The following GRID1 variants were observed in gnomAD, a reference collection of about 807,000 sequenced individuals.
GRID1 encodes glutamate ionotropic receptor delta type subunit 1.
Under a neutral mutation model 98.0 loss-of-function variants are expected in GRID1, and 28 were observed. That is an observed-to-expected ratio of 0.29 (90% CI 0.21 to 0.39). GRID1 has a LOEUF of 0.39. GRID1 is among the 10% of genes least tolerant of loss of function. The pLI, the probability that GRID1 is intolerant of heterozygous loss-of-function variation, is 1.00. For synonymous variants in GRID1, 553 were observed against 538.5 expected, an observed-to-expected ratio of 1.03 and a Z score of -0.37; for missense variants, 1,111 against 1,340.5, an observed-to-expected ratio of 0.83 and a Z score of 2.67.
intron 4 of GRID1, among the ~76,000 whole-genome samples, chr10:86,093,730 A>C (rs1159629279): frequency 6.6e-6 from 1 of 152,208 alleles, no homozygotes; most frequent in Non-Finnish European, 1.5e-5. Flanking sequence ...AAAAAAGTCC[A>C]GGACCAGACG....
chr10:85,706,813 C>A (rs1266301456), intron 12 of GRID1, among the ~76,000 whole-genome samples: 1 of 152,146 alleles, frequency 6.6e-6, no homozygotes, highest in Non-Finnish European at 1.5e-5. Context: ...TGCCACATAT[C>A]TACAACTGTC....
At chr10:85,936,123 T>A (rs1486054174) in intron 4 of GRID1, among the ~76,000 whole-genome samples, 1 of 152,206 alleles carries the variant, frequency 6.6e-6, no homozygotes, top group East Asian at 1.9e-4. Flanking sequence ...CATATTAGGA[T>A]ACCTAACTCA....
At chr10:85,911,676 T>A (rs1038306822) in intron 5 of GRID1, among the ~76,000 whole-genome samples, 1 of 152,208 alleles carries the variant, frequency 6.6e-6, no homozygotes, top group Non-Finnish European at 1.5e-5. Context: ...CATGTAACAA[T>A]GGAAGCTGCC....
chr10:85,711,808 C>T (rs113429656), intron 12 of GRID1, among the ~76,000 whole-genome samples: 2 of 151,666 alleles, frequency 1.3e-5, no homozygotes, highest in African/African-American at 4.8e-5. Context: ...TTAAAATTAA[C>T]TCCTAAAAAA....
Position 85,856,173 on chromosome 10 carries a change from C to A in GRID1, c.969G>T (p.Leu323=), listed in dbSNP as rs747260421. Residue 323 remains leucine (L), a synonymous_variant, in exon 7 of 16, where the codon CTG becomes CTT. Transcript: ENST00000327946. ...TGGCCAGCATCAGAACACTGTCATACAGATAGAGGTTGGAGATCTGCAAAG... is the reference window on the plus strand; with the variant it reads ...TGGCCAGCATCAGAACACTGTCATAAAGATAGAGGTTGGAGATCTGCAAAG... ...LQMLQISNLY[L]YDSVLMLANA... is the part of the protein sequence containing the mutation. 4 of 1,613,998 alleles carry A rather than the reference C, an allele frequency of 2.5e-6. No homozygotes were observed. In the African/African-American group the frequency reaches 4.0e-5, roughly 16 times the overall value.
intron 2 of GRID1, among the ~76,000 whole-genome samples, chr10:86,357,697 A>C (rs988992085): frequency 1.3e-5 from 2 of 152,224 alleles, no homozygotes; most frequent in African/African-American, 4.8e-5. Context: ...AGAATGAAGG[A>C]GAACCCTGAC....
chr10:85,632,233 C>T (rs929847283), intron 13 of GRID1, among the ~76,000 whole-genome samples: 6 of 152,206 alleles, frequency 3.9e-5, no homozygotes, highest in African/African-American at 1.4e-4. Context: ...CCCTTTTCCA[C>T]CCTGAAGTCT....
chr10:85,821,516 CAAAAAAAAAA>C (rs1157209045), intron 8 of GRID1, among the ~76,000 whole-genome samples: 5 of 9,104 alleles, frequency 5.5e-4, no homozygotes, highest in Non-Finnish European at 8.1e-4. Context: ...GACTTCATCT[CAAAAAAAAAA>C]AAAAAAAAAA....
In GRID1 at chr10:85,620,031, T is replaced by C; in HGVS notation, c.2196A>G (p.Ala732=). The change falls in exon 14 of 16, where the codon GCA becomes GCG. Residue 732 remains alanine (A), a splice_region_variant and synonymous_variant. Transcript: ENST00000327946. ...ACAGGAAGGCGTAGTTCCCCTTCTT[T>C]GCCTGAAAGATCAAAATTACCATGA... is the stretch of plus-strand genomic sequence containing the variant. ...VSSPSEGIRK[A]KKGNYAFLWD... 1 of 1,613,352 alleles carries C rather than the reference T, an allele frequency of 6.2e-7. No homozygotes were observed. The highest frequency in any genetic ancestry group is 8.5e-7 in the Non-Finnish European group (1 of 1,179,328).
intron 8 of GRID1, among the ~76,000 whole-genome samples, chr10:85,774,650 T>C (rs1384074787): frequency 6.5e-4 from 99 of 152,050 alleles, no homozygotes; most frequent in African/African-American, 2.2e-3. Flanking sequence ...ACAACCCTAT[T>C]AAAAAGTGGG....
At chr10:85,690,373 G>A (rs951444368) in intron 12 of GRID1, among the ~76,000 whole-genome samples, 3 of 152,082 alleles carry the variant, frequency 2.0e-5, no homozygotes, top group Non-Finnish European at 2.9e-5. Flanking sequence ...AGCACTTTAT[G>A]ACATTCAACT....
chr10:85,602,620 G>C lies in GRID1; in HGVS notation c.2683C>G (p.Pro895Ala), dbSNP rs376741364. ...AGGGCCGAGAGCTCAATCGACGCTG[G>C]GGAAATCTGCTTGTGAGCAATGTCT... ...DEDIAHKQISPASIELSALEM... is the reference protein window; with the variant it reads ...DEDIAHKQISAASIELSALEM... The change falls in exon 16 of 16, where the codon CCA (proline) becomes GCA (alanine). Residue 895 changes from proline (P) to alanine (A), a missense_variant. Physicochemically the swap from Pro to Ala is conservative, Grantham distance 27. Transcript: ENST00000327946. The C allele has an allele frequency of 6.2e-7, 1 of 1,614,006 alleles. No individual in the cohort carries two copies. The highest frequency in any genetic ancestry group is 8.5e-7 in the Non-Finnish European group (1 of 1,179,960).
intron 8 of GRID1, among the ~76,000 whole-genome samples, chr10:85,734,780 T>C (rs1386764436): frequency 2.0e-5 from 3 of 152,168 alleles, no homozygotes; most frequent in African/African-American, 7.2e-5. Flanking sequence ...ACCTCCATCA[T>C]TACTGGTCAA....
chr10:86,130,869 C>T (rs1195733639), intron 4 of GRID1, among the ~76,000 whole-genome samples: 2 of 152,168 alleles, frequency 1.3e-5, no homozygotes, highest in African/African-American at 2.4e-5. Flanking sequence ...AGGCACCCAC[C>T]CCTAGTGCTA....
At chr10:85,863,640 G>A (rs1489937637) in intron 6 of GRID1, among the ~76,000 whole-genome samples, 1 of 152,190 alleles carries the variant, frequency 6.6e-6, no homozygotes, top group East Asian at 1.9e-4. Context: ...CCCATGAAGT[G>A]TGTTGAGCTC....
chr10:85,759,811 C>T (rs750374261), intron 8 of GRID1, among the ~76,000 whole-genome samples: 3 of 151,998 alleles, frequency 2.0e-5, no homozygotes, highest in Non-Finnish European at 4.4e-5. Context: ...AAGTTAAGTC[C>T]CCAGGCTTGA....
intron 13 of GRID1, chr10:85,645,616 T>G (rs1045807703): frequency 6.6e-6 from 1 of 152,246 alleles, no homozygotes; most frequent in Non-Finnish European, 1.5e-5. Context: ...CAGGTCTTTC[T>G]CAAATCCAAG....
intron 4 of GRID1, among the ~76,000 whole-genome samples, chr10:86,106,774 G>A (rs1280982736): frequency 6.6e-6 from 1 of 152,172 alleles, no homozygotes; most frequent in Admixed American, 6.5e-5. Flanking sequence ...GGGCAGGACT[G>A]CATGGCCGCT....
At chr10:85,822,989 G>A (rs1416013446) in intron 8 of GRID1, among the ~76,000 whole-genome samples, 1 of 152,260 alleles carries the variant, frequency 6.6e-6, no homozygotes, top group East Asian at 1.9e-4. Context: ...ACTGAATAAT[G>A]AGAACACCTG....
Sources: allele counts gnomAD v4.1 joint callset (sites outside exome capture counted in the v4.1 genomes callset), GRCh38; gene constraint gnomAD v4.1.1; transcripts MANE v1.5; gene names NCBI Gene and HGNC (gene_info 2026-07-23, HGNC 2026-07-21).